Variants in LRRC4C observed in about 807,000 individuals in gnomAD.
The protein encoded by LRRC4C is leucine-rich repeat-containing protein 4C.
Under a neutral mutation model 33.6 loss-of-function variants are expected in LRRC4C, and 5 were observed. That is an observed-to-expected ratio of 0.15 (90% CI 0.08 to 0.31). The LOEUF is 0.31. LRRC4C is among the 10% of genes least tolerant of loss of function. The probability of loss-of-function intolerance (pLI) is 1.00; values close to 1 mark genes in which losing one functional copy is unlikely to be tolerated. For synonymous variants in LRRC4C, 329 were observed against 302.0 expected, an observed-to-expected ratio of 1.09 and a Z score of -0.93; for missense variants, 560 against 796.7, an observed-to-expected ratio of 0.70 and a Z score of 3.58.
At chr11:41,243,216 A>T (rs1198859717) in intron 1 of LRRC4C, among the ~76,000 whole-genome samples, 1 of 152,178 alleles carries the variant, frequency 6.6e-6, no homozygotes, top group Non-Finnish European at 1.5e-5. Flanking sequence ...TTAGAAAACC[A>T]CTCATCATAA....
At chr11:40,472,178 G>A (rs1174848913) in intron 3 of LRRC4C, among the ~76,000 whole-genome samples, 3 of 151,998 alleles carry the variant, frequency 2.0e-5, no homozygotes, top group African/African-American at 7.2e-5. Flanking sequence ...TACTTGGGAG[G>A]CTGAGGCAGG....
chr11:40,475,054 A>G (rs939106657), intron 3 of LRRC4C, among the ~76,000 whole-genome samples: 1 of 152,286 alleles, frequency 6.6e-6, no homozygotes, highest in African/African-American at 2.4e-5. Flanking sequence ...CAATTTCTCA[A>G]GGATCTAGAA....
chr11:40,266,469 C>T (rs1942268289), intron 4 of LRRC4C, among the ~76,000 whole-genome samples: 1 of 152,000 alleles, frequency 6.6e-6, no homozygotes, highest in Non-Finnish European at 1.5e-5. Flanking sequence ...CCTGTCTCAA[C>T]AACGACAACA....
intron 2 of LRRC4C, among the ~76,000 whole-genome samples, chr11:40,732,312 T>C (rs949954623): frequency 6.6e-6 from 1 of 152,142 alleles, no homozygotes; most frequent in African/African-American, 2.4e-5. Flanking sequence ...ATGAAAGCTC[T>C]CCCAAAAAAG....
chr11:40,262,997 A>C (rs1312327339), intron 4 of LRRC4C, among the ~76,000 whole-genome samples: 1 of 151,838 alleles, frequency 6.6e-6, no homozygotes, highest in Non-Finnish European at 1.5e-5. Flanking sequence ...AAAAAAAAAG[A>C]ATTTTTTTTG....
At chr11:41,269,974 T>C (rs962810008) in intron 1 of LRRC4C, among the ~76,000 whole-genome samples, 3 of 152,134 alleles carry the variant, frequency 2.0e-5, no homozygotes, top group Non-Finnish European at 4.4e-5. Flanking sequence ...GATAAATATA[T>C]AAACCTGTTT....
intron 1 of LRRC4C, among the ~76,000 whole-genome samples, chr11:40,964,396 T>G (rs1262657657): frequency 1.3e-5 from 2 of 151,718 alleles, no homozygotes; most frequent in African/African-American, 4.8e-5. Context: ...ATACGTTAAG[T>G]TTTAGGCTAC....
At chr11:41,421,012 A>G (rs1054862386) in intron 1 of LRRC4C, among the ~76,000 whole-genome samples, 1 of 152,010 alleles carries the variant, frequency 6.6e-6, no homozygotes, top group African/African-American at 2.4e-5. Flanking sequence ...TCTGGAATTA[A>G]TATTTTAGAG....
chr11:40,621,916 A>ATT (rs1962495570), intron 3 of LRRC4C, among the ~76,000 whole-genome samples: 1 of 151,832 alleles, frequency 6.6e-6, no homozygotes, highest in African/African-American at 2.4e-5. Flanking sequence ...AAAACTGAGA[A>ATT]GTTAAAGACT....
At chr11:41,125,862 G>C (rs1421042546) in intron 1 of LRRC4C, among the ~76,000 whole-genome samples, 1 of 152,122 alleles carries the variant, frequency 6.6e-6, no homozygotes, top group Non-Finnish European at 1.5e-5. Flanking sequence ...ACAGTAACTT[G>C]AATAATAGAA....
intron 5 of LRRC4C, among the ~76,000 whole-genome samples, chr11:40,155,838 C>A (rs1194927962): frequency 6.6e-6 from 1 of 152,104 alleles, no homozygotes; most frequent in Non-Finnish European, 1.5e-5. Context: ...AGAACCTTCC[C>A]TAACTCATTC....
intron 3 of LRRC4C, among the ~76,000 whole-genome samples, chr11:40,345,583 A>G (rs959801321): frequency 6.6e-6 from 1 of 152,190 alleles, no homozygotes; most frequent in Non-Finnish European, 1.5e-5. Context: ...TAATACCTAC[A>G]ACTATAAAAA....
intron 3 of LRRC4C, among the ~76,000 whole-genome samples, chr11:40,464,137 A>C (rs537138382): frequency 6.6e-6 from 1 of 152,218 alleles, no homozygotes; most frequent in Admixed American, 6.6e-5. Flanking sequence ...ATAGTACACC[A>C]TGATCAAGTG....
At chr11:41,315,028 C>G (rs1950746353) in intron 1 of LRRC4C, among the ~76,000 whole-genome samples, 1 of 152,012 alleles carries the variant, frequency 6.6e-6, no homozygotes, top group Non-Finnish European at 1.5e-5. Flanking sequence ...GAAATAAGAC[C>G]AACTTAGTTG....
At chr11:40,411,881 T>C (rs1950168507) in intron 3 of LRRC4C, among the ~76,000 whole-genome samples, 1 of 152,046 alleles carries the variant, frequency 6.6e-6, no homozygotes, top group African/African-American at 2.4e-5. Flanking sequence ...GCCTTTTGTA[T>C]ATAACATCTA....
At chr11:41,223,775 C>T (rs913093654) in intron 1 of LRRC4C, among the ~76,000 whole-genome samples, 2 of 152,222 alleles carry the variant, frequency 1.3e-5, no homozygotes, top group African/African-American at 4.8e-5. Context: ...AACCCATTGA[C>T]TCTGCCAGAG....
chr11:40,534,012 G>A (rs917184314), intron 3 of LRRC4C, among the ~76,000 whole-genome samples: 2 of 152,162 alleles, frequency 1.3e-5, no homozygotes, highest in African/African-American at 2.4e-5. Context: ...TGAGGCACAT[G>A]TGCTAATGAT....
chr11:41,438,066 T>TAAAC (rs923258329), intron 1 of LRRC4C, among the ~76,000 whole-genome samples: 3 of 149,960 alleles, frequency 2.0e-5, no homozygotes, highest in African/African-American at 7.4e-5. Context: ...AATAAATAAA[T>TAAAC]AAATAATAAA....
intron 3 of LRRC4C, among the ~76,000 whole-genome samples, chr11:40,390,002 G>T (rs767297002): frequency 1.6e-4 from 25 of 152,084 alleles, no homozygotes; most frequent in Non-Finnish European, 2.9e-4. Context: ...TATTTTGCTA[G>T]GTTAAAAGGA....
Sources: allele counts gnomAD v4.1 joint callset (sites outside exome capture counted in the v4.1 genomes callset), GRCh38; gene constraint gnomAD v4.1.1; transcripts MANE v1.5; gene names NCBI Gene and HGNC (gene_info 2026-07-23, HGNC 2026-07-21).